The following SCD5 variants were observed in gnomAD, a reference collection of about 807,000 sequenced individuals.
SCD5 encodes the protein acyl-CoA-desaturase 4.
A neutral mutation model predicts 30.4 loss-of-function variants in SCD5; 20 were observed. The observed-to-expected ratio is 0.66, with a 90% CI of 0.46 to 0.96. SCD5 has a LOEUF of 0.96. SCD5 is among the 40% of genes least tolerant of loss of function. The pLI, the probability that SCD5 is intolerant of heterozygous loss-of-function variation, is 0.00. For synonymous variants in SCD5, 173 were observed against 176.4 expected, an observed-to-expected ratio of 0.98 and a Z score of 0.16; for missense variants, 381 against 443.3, an observed-to-expected ratio of 0.86 and a Z score of 1.26.
chr4:82,788,939 A>G (rs3857139), intron 1 of SCD5, among the ~76,000 whole-genome samples: 17,562 of 152,146 alleles, frequency 0.12, 1,095 homozygotes, highest in African/African-American at 0.15. Context: ...TCCTAAAAGT[A>G]CCCTATCTCA....
chr4:82,732,090 C>T (rs1040604538), intron 1 of SCD5, among the ~76,000 whole-genome samples: 4 of 151,914 alleles, frequency 2.6e-5, no homozygotes, highest in African/African-American at 9.7e-5. Context: ...CTTTTCTCTA[C>T]TTTTCTATTA....
chr4:82,796,726 AGCCCTGCCTCT>A (rs1722229036), intron 1 of SCD5, among the ~76,000 whole-genome samples: 1 of 152,220 alleles, frequency 6.6e-6, no homozygotes, highest in Non-Finnish European at 1.5e-5. Context: ...GACCAAGCCC[AGCCCTGCCTCT>A]GGAAGCAGGG....
intron 1 of SCD5, chr4:82,753,332 G>T: frequency 1.9e-6 from 1 of 531,692 alleles, no homozygotes; most frequent in East Asian, 5.5e-5. Context: ...TTCTGTGTAT[G>T]GCCAGAGTTG....
At chr4:82,650,613 C>A (rs1409864162) in intron 3 of SCD5, among the ~76,000 whole-genome samples, 2 of 151,978 alleles carry the variant, frequency 1.3e-5, no homozygotes, top group East Asian at 1.9e-4. Flanking sequence ...GGAGATCACC[C>A]GAGCCTGGGG....
At chr4:82,667,303 T>C (rs1269100773) in intron 3 of SCD5, among the ~76,000 whole-genome samples, 5 of 149,820 alleles carry the variant, frequency 3.3e-5, no homozygotes, top group East Asian at 4.0e-4. Flanking sequence ...CACGCACGCA[T>C]GCAAATTCTC....
At chr4:82,653,702 A>ATAGATAGATAGATAGG (rs1409252100) in intron 3 of SCD5, among the ~76,000 whole-genome samples, 228 of 122,532 alleles carry the variant, frequency 1.9e-3, no homozygotes, top group African/African-American at 6.5e-3. Flanking sequence ...AGATAGATAG[A>ATAGATAGATAGATAGG]TAGATATAGA....
chr4:82,742,291 G>A (rs551674608), intron 1 of SCD5, among the ~76,000 whole-genome samples: 1 of 152,210 alleles, frequency 6.6e-6, no homozygotes, highest in African/African-American at 2.4e-5. Context: ...CTGCCTTTCT[G>A]GGTTTTCCTG....
At chr4:82,773,065 C>T (rs1721664096) in intron 1 of SCD5, among the ~76,000 whole-genome samples, 1 of 152,066 alleles carries the variant, frequency 6.6e-6, no homozygotes, top group African/African-American at 2.4e-5. Context: ...GTTTTTCATT[C>T]CTGATCCTGC....
At chr4:82,683,453 T>G (rs996201971) in intron 2 of SCD5, among the ~76,000 whole-genome samples, 1 of 152,234 alleles carries the variant, frequency 6.6e-6, no homozygotes, top group Non-Finnish European at 1.5e-5. Flanking sequence ...GACATTTATA[T>G]AAGTTCATCC....
rs111397990 is a variant in SCD5, at chr4:82,774,522, G to T, written c.232+23784C>A. Among the ~76,000 whole-genome samples, 1,394 of 152,200 alleles carry T rather than the reference G, an allele frequency of 9.2e-3. 14 individuals carry two copies. The highest frequency in any genetic ancestry group is 0.028 in the African/African-American group (1,146 of 41,504). On this transcript the variant is annotated intron_variant, in intron 1 of 4. Transcript: ENST00000319540. ...TTTTTGCTTTTGCTTTTGCTTCCTT[G>T]TGTTTTCTAGGCTGTCAACAATGAA...
intron 1 of SCD5, among the ~76,000 whole-genome samples, chr4:82,767,737 T>C (rs967210857): frequency 2.0e-5 from 3 of 152,218 alleles, no homozygotes; most frequent in Non-Finnish European, 4.4e-5. Context: ...AAGTCTTTGA[T>C]ACATTTTCTT....
intron 1 of SCD5, among the ~76,000 whole-genome samples, chr4:82,788,533 A>G (rs1418132295): frequency 6.6e-6 from 1 of 152,124 alleles, no homozygotes; most frequent in Non-Finnish European, 1.5e-5. Context: ...TGGGATTACA[A>G]GTGTTCACGA....
intron 2 of SCD5, among the ~76,000 whole-genome samples, chr4:82,697,827 A>G (rs1719728316): frequency 6.6e-6 from 1 of 152,194 alleles, no homozygotes; most frequent in African/African-American, 2.4e-5. Flanking sequence ...AGTATTCCGC[A>G]TAACGGAAGG....
intron 1 of SCD5, among the ~76,000 whole-genome samples, chr4:82,706,067 C>A (rs933290940): frequency 6.6e-6 from 1 of 152,212 alleles, no homozygotes; most frequent in Non-Finnish European, 1.5e-5. Flanking sequence ...AATCTGCCCA[C>A]AAATCACAGA....
chr4:82,781,684 AAAAGGATGAG>A (rs1319436803), intron 1 of SCD5, among the ~76,000 whole-genome samples: 5 of 152,122 alleles, frequency 3.3e-5, no homozygotes, highest in African/African-American at 1.2e-4. Flanking sequence ...GACTAACTAT[AAAAGGATGAG>A]GTGGGCTCCC....
chr4:82,774,150 T>G (rs939461453), intron 1 of SCD5, among the ~76,000 whole-genome samples: 2 of 150,686 alleles, frequency 1.3e-5, no homozygotes, highest in Non-Finnish European at 2.9e-5. Context: ...AAATTTATTC[T>G]GAGGAAATTA....
intron 1 of SCD5, among the ~76,000 whole-genome samples, chr4:82,752,970 G>A (rs1422709788): frequency 6.6e-6 from 1 of 152,082 alleles, no homozygotes; most frequent in Non-Finnish European, 1.5e-5. Context: ...TCCTCACCAA[G>A]AAAACTCAGT....
At chr4:82,673,612 T>A (rs1026482318) in intron 3 of SCD5, among the ~76,000 whole-genome samples, 2 of 152,164 alleles carry the variant, frequency 1.3e-5, no homozygotes, top group African/African-American at 4.8e-5. Flanking sequence ...GCAATTCCAA[T>A]CAAAATCCCA....
chr4:82,742,989 A>T (rs950291495), intron 1 of SCD5, among the ~76,000 whole-genome samples: 4 of 152,182 alleles, frequency 2.6e-5, no homozygotes, highest in African/African-American at 9.7e-5. Context: ...GAGAATGTGT[A>T]AGGAGAGAAA....
Sources: gnomAD v4.1 joint callset for allele counts (sites outside exome capture counted in the v4.1 genomes callset) on GRCh38, gnomAD v4.1.1 for gene constraint, MANE v1.5 for transcripts, NCBI Gene and HGNC (gene_info 2026-07-23, HGNC 2026-07-21) for gene names.